Variants in SOAT1 observed in about 807,000 individuals in gnomAD.
SOAT1 encodes sterol O-acyltransferase 1.
SOAT1 carries 55 observed loss-of-function variants against 69.5 expected under a neutral mutation model. The ratio of observed to expected loss-of-function variants is 0.79; its 90% CI spans 0.64 to 0.99. SOAT1 has a LOEUF of 0.99. Among genes scored for constraint, SOAT1 ranks in the 50% least tolerant of loss-of-function variants. SOAT1 has a pLI of 0.00. For missense variants in SOAT1, 580 were observed against 669.3 expected (o/e 0.87, Z 1.47); for synonymous variants, 231 against 224.7 (o/e 1.03, Z -0.25).
chr1:179,319,288 AAGAC>A (rs1665511162), intron 2 of SOAT1, among the ~76,000 whole-genome samples: 1 of 148,948 alleles, frequency 6.7e-6, no homozygotes, highest in Non-Finnish European at 1.5e-5. Flanking sequence ...TTTTTTTTAA[AAGAC>A]AGAGTCTCGC....
At chr1:179,297,760 G>A (rs1440377003) in intron 1 of SOAT1, among the ~76,000 whole-genome samples, 9 of 150,256 alleles carry the variant, frequency 6.0e-5, no homozygotes, top group Non-Finnish European at 1.2e-4. Flanking sequence ...TGCCGGGCGC[G>A]GTGGCTCACA....
At chr1:179,326,224 T>C (rs960938836) in intron 3 of SOAT1, among the ~76,000 whole-genome samples, 5 of 152,214 alleles carry the variant, frequency 3.3e-5, no homozygotes, top group Admixed American at 2.0e-4. Flanking sequence ...TTCATGTAGC[T>C]CTTTCTATCT....
chr1:179,301,590 T>G (rs1242411686), intron 1 of SOAT1, among the ~76,000 whole-genome samples: 1 of 152,240 alleles, frequency 6.6e-6, no homozygotes, highest in Non-Finnish European at 1.5e-5. Context: ...CTTGTTCAAC[T>G]GCAGGTGTAT....
At chr1:179,296,375 C>T (rs965368331) in intron 1 of SOAT1, among the ~76,000 whole-genome samples, 1 of 152,134 alleles carries the variant, frequency 6.6e-6, no homozygotes, top group African/African-American at 2.4e-5. Context: ...ACCGTATCCC[C>T]CATGGATATG....
chr1:179,298,661 G>T (rs894841466), intron 1 of SOAT1, among the ~76,000 whole-genome samples: 3 of 152,136 alleles, frequency 2.0e-5, no homozygotes, highest in African/African-American at 7.2e-5. Flanking sequence ...TTAGCCTAGT[G>T]TACCTTAAAT....
intron 11 of SOAT1, among the ~76,000 whole-genome samples, chr1:179,346,163 TG>T (rs1666527618): frequency 6.6e-6 from 1 of 152,144 alleles, no homozygotes; most frequent in Non-Finnish European, 1.5e-5. Flanking sequence ...CTTATTTGAA[TG>T]AACTCTGTAT....
At chr1:179,323,169 T>C (rs1037088374) in intron 2 of SOAT1, among the ~76,000 whole-genome samples, 1 of 152,116 alleles carries the variant, frequency 6.6e-6, no homozygotes, top group Admixed American at 6.5e-5. Context: ...TCAGGGAATC[T>C]AATTTCCCAT....
In SOAT1 at chr1:179,351,367, G is replaced by A; in HGVS notation, c.1501G>A (p.Val501Ile). Residue 501 changes from valine to isoleucine, a missense_variant, in exon 15 of 16, where the codon GTT (valine) becomes ATT (isoleucine). Val to Ile is a conservative substitution (Grantham distance 29). Transcript: ENST00000367619. ...NDSRKKPIWN[V>I]LMWTSLFLGN... The stretch of plus-strand genomic sequence containing the variant: ...TAGTCGGAAAAAGCCGATTTGGAAT[G>A]TTCTGATGTGGACTTCTCTTTTCTT... 2 of 1,614,126 alleles carry A rather than the reference G, an allele frequency of 1.2e-6. No homozygotes were observed. The highest frequency in any genetic ancestry group is 1.1e-5 in the South Asian group (1 of 91,082).
At chr1:179,294,819 C>T (rs1207053961) in intron 1 of SOAT1, among the ~76,000 whole-genome samples, 1 of 152,240 alleles carries the variant, frequency 6.6e-6, no homozygotes, top group Non-Finnish European at 1.5e-5. Flanking sequence ...AGGCGTGAGC[C>T]ACCGCGCCTG....
chr1:179,349,387 G>A (rs1415888288), intron 13 of SOAT1, among the ~76,000 whole-genome samples: 12 of 149,624 alleles, frequency 8.0e-5, no homozygotes, highest in African/African-American at 3.0e-4. Context: ...GAGTGCAGTG[G>A]CATGTTGTCG....
rs745931695 is a variant in SOAT1 at position 179,335,538 on chromosome 1, C to A, written c.210C>A (p.Gly70=). Residue 70 remains glycine, a synonymous_variant, in exon 4 of 16, where the codon GGC becomes GGA. Coordinates refer to ENST00000367619, the MANE Select transcript of SOAT1 (RefSeq NM_003101.6). ...AGCCATTTTTTATGAAGGAAGTTGG[C>A]AGTCACTTTGATGATTTTGTGACCA... is the stretch of plus-strand genomic sequence containing the variant. The part of the protein sequence containing the change: ...ELKPFFMKEV[G]SHFDDFVTNL... The A allele has an allele frequency of 9.3e-6, 15 of 1,610,914 alleles. No individual in the cohort carries two copies. Among genetic ancestry groups the A allele is most frequent in the Non-Finnish European group, 1.2e-5 (14 of 1,178,426 alleles).
chr1:179,341,040 G>A lies in SOAT1; in HGVS notation c.510G>A (p.Glu170=). ...DYIDEGRLVL[E]FSLLSYAFGK... is the part of the protein sequence containing the mutation. The stretch of plus-strand genomic sequence containing the variant: ...CTTTTCTCCCCAGGCTGGTGCTTGA[G>A]TTCAGCCTCCTGTCTTATGCTTTTG... Residue 170 remains glutamate (E), a synonymous_variant, in exon 7 of 16, where the codon GAG becomes GAA. Coordinates refer to ENST00000367619, the MANE Select transcript of SOAT1 (RefSeq NM_003101.6). 1 of 1,613,942 alleles carries A rather than the reference G, an allele frequency of 6.2e-7. No homozygotes were observed.
At chr1:179,339,976 C>G (rs61824389) in intron 6 of SOAT1, among the ~76,000 whole-genome samples, 35,877 of 152,062 alleles carry the variant, frequency 0.24, 4,834 homozygotes, top group East Asian at 0.38. Context: ...ATAAGAATGG[C>G]AGATTTTTCA....
intron 1 of SOAT1, among the ~76,000 whole-genome samples, chr1:179,296,110 C>G (rs190653782): frequency 6.7e-6 from 1 of 149,872 alleles, no homozygotes; most frequent in Admixed American, 6.7e-5. Flanking sequence ...CGTGAGCCAC[C>G]GCGCCCAGCT....
At position 179,352,573 on chromosome 1, in the gene SOAT1, C is replaced by G. The variant is rs1041116135; in HGVS notation, c.1597-1012C>G. 4.6e-5 allele frequency among the ~76,000 whole-genome samples: 7 copies of G among 152,196 alleles called. No homozygotes were observed. The South Asian group carries it at 1.5e-3, about 32-fold the overall frequency. ...ATTACAAAAAATATGGCAGATAGAG[C>G]TATTTGTCTCAAGTTCATCTCGGCA... On this transcript the variant is annotated intron_variant, in intron 15 of 15. Transcript: ENST00000367619.
intron 2 of SOAT1, among the ~76,000 whole-genome samples, chr1:179,319,291 A>G (rs573238391): frequency 6.9e-6 from 1 of 144,552 alleles, no homozygotes; most frequent in Non-Finnish European, 1.5e-5. Context: ...TTTTTAAAAG[A>G]CAGAGTCTCG....
At chr1:179,319,267 C>CTTT (rs542647494) in intron 2 of SOAT1, among the ~76,000 whole-genome samples, 2 of 125,170 alleles carry the variant, frequency 1.6e-5, no homozygotes, top group Admixed American at 1.7e-4. Flanking sequence ...GTTACTTTGC[C>CTTT]TTTTTTTTTT....
chr1:179,351,556 T>C, intron 15 of SOAT1, 94 bp downstream of exon 15: 2 of 1,115,428 alleles, frequency 1.8e-6, no homozygotes, highest in Non-Finnish European at 1.3e-6. Flanking sequence ...GTAGTGGAGA[T>C]TATGATGAAT....
intron 2 of SOAT1, among the ~76,000 whole-genome samples, chr1:179,320,763 T>C (rs1665568173): frequency 6.6e-6 from 1 of 152,118 alleles, no homozygotes; most frequent in Non-Finnish European, 1.5e-5. Context: ...TGAGACAGAG[T>C]CTCGCTCTGT....
Sources: gnomAD v4.1 joint callset for allele counts (sites outside exome capture counted in the v4.1 genomes callset) on GRCh38, gnomAD v4.1.1 for gene constraint, MANE v1.5 for transcripts, NCBI Gene and HGNC (gene_info 2026-07-23, HGNC 2026-07-21) for gene names.